The following DNAAF9 variants were observed in gnomAD, a reference collection of about 807,000 sequenced individuals.
The protein encoded by DNAAF9 is dynein axonemal assembly factor 9, also known as shulin.
Under a neutral mutation model 167.0 loss-of-function variants are expected in DNAAF9, and 90 were observed. The observed-to-expected ratio is 0.54, with a 90% CI of 0.45 to 0.64. The LOEUF is 0.64. Ranked by LOEUF, DNAAF9 falls within the 30% of genes least tolerant of loss-of-function variation. The probability of loss-of-function intolerance (pLI) is 0.00; values close to 1 mark genes in which losing one functional copy is unlikely to be tolerated. For missense variants in DNAAF9, 1,315 were observed against 1,442.2 expected, an observed-to-expected ratio of 0.91 and a Z score of 1.43; for synonymous variants, 491 against 508.8, an observed-to-expected ratio of 0.96 and a Z score of 0.47.
chr20:3,320,654 T>C (rs1264491462), intron 16 of DNAAF9, among the ~76,000 whole-genome samples: 2 of 152,164 alleles, frequency 1.3e-5, no homozygotes, highest in African/African-American at 4.8e-5. Context: ...CCACACAAAA[T>C]GTTGACAGAT....
chr20:3,398,205 C>T (rs1007722324), intron 1 of DNAAF9, among the ~76,000 whole-genome samples: 5 of 152,100 alleles, frequency 3.3e-5, no homozygotes, highest in Non-Finnish European at 5.9e-5. Context: ...AAGATATATT[C>T]GTAGGAGAAT....
chr20:3,315,343 G>A lies in DNAAF9; in HGVS notation c.1591-223C>T, dbSNP rs2069484271. On this transcript the variant is annotated intron_variant, in intron 19 of 36. Transcript: ENST00000252032. The surrounding 1 kb of genome is among the most constrained non-coding windows in gnomAD (Gnocchi z 4.1). ...GAAAAAGAACATTAAGATTCTCTCTGAGTCCAGGCATCAAAGCCCGCAATG... is the reference window on the plus strand; with the variant it reads ...GAAAAAGAACATTAAGATTCTCTCTAAGTCCAGGCATCAAAGCCCGCAATG... Among the ~76,000 whole-genome samples, 2 of 152,196 alleles carry A rather than the reference G, an allele frequency of 1.3e-5. No homozygotes were observed. The highest frequency in any genetic ancestry group is 2.9e-5 in the Non-Finnish European group (2 of 68,042).
At position 3,332,358 on chromosome 20, in the gene DNAAF9, C is replaced by T. The variant is rs1213855237; in HGVS notation, c.985G>A (p.Ala329Thr). ...GGTCCCTTTGGTGAGACACACTGGG[C>T]TACCTGGATGTCAGAAAAAAATAAA... is the stretch of plus-strand genomic sequence containing the variant. The part of the protein sequence containing the change: ...PGGSFAKHMV[A>T]QCVSPKGPLA... The change falls in exon 11 of 37, where the codon GCC (alanine) becomes ACC (threonine). Residue 329 changes from alanine (A) to threonine (T), a missense_variant. Transcript: ENST00000252032. 6.3e-7 allele frequency: 1 copy of T among 1,583,870 alleles called. No homozygotes were observed. Among genetic ancestry groups the T allele is most frequent in the African/African-American group, 1.3e-5 (1 of 74,228 alleles).
At chr20:3,296,338 T>C (rs2069077878) in intron 23 of DNAAF9, 33 of 343,182 alleles carry the variant, frequency 9.6e-5, no homozygotes, top group South Asian at 7.1e-4. Flanking sequence ...CTGTGAGACG[T>C]GGCCCCTCAC....
At chr20:3,357,055 T>C (rs1212550385) in intron 7 of DNAAF9, among the ~76,000 whole-genome samples, 1 of 152,248 alleles carries the variant, frequency 6.6e-6, no homozygotes, top group African/African-American at 2.4e-5. Context: ...TTCCATGCAG[T>C]GAATTCTTTC....
chr20:3,370,169 C>T (rs2083489002), intron 6 of DNAAF9, among the ~76,000 whole-genome samples: 1 of 152,196 alleles, frequency 6.6e-6, no homozygotes, highest in African/African-American at 2.4e-5. Context: ...AAAATGTGAA[C>T]AGGTTTACTC....
At position 3,253,775 on chromosome 20, in the gene DNAAF9, A is replaced by T; in HGVS notation, c.3372T>A (p.Asn1124Lys). Residue 1124 changes from asparagine to lysine, a missense_variant, in exon 36 of 37, where the codon AAT (asparagine) becomes AAA (lysine). Around this residue, in one of 2 missense-constraint regions of DNAAF9, gnomAD observed 334 missense variants for 429.7 expected, o/e 0.78. Transcript: ENST00000252032. ...CAAAGAAGTTAACAAATTGGGTGCCATTATAAAAGTAGCCTGCAGGTAGGG... is the reference window on the plus strand; with the variant it reads ...CAAAGAAGTTAACAAATTGGGTGCCTTTATAAAAGTAGCCTGCAGGTAGGG... Reference protein sequence around the residue: ...LEPLPAGYFYNGTQFVNFFGD... With the variant: ...LEPLPAGYFYKGTQFVNFFGD... 1.2e-6 allele frequency: 2 copies of T among 1,613,256 alleles called. No homozygotes were observed. Among genetic ancestry groups the T allele is most frequent in the Non-Finnish European group, 1.7e-6 (2 of 1,179,180 alleles).
chr20:3,252,884 G>A (rs2068217777), intron 36 of DNAAF9, among the ~76,000 whole-genome samples, 200 bp from the exon 37 acceptor site: 2 of 152,242 alleles, frequency 1.3e-5, no homozygotes, highest in Admixed American at 6.5e-5. Context: ...TCACAGGGAT[G>A]TTAATGAGGT....
intron 27 of DNAAF9, among the ~76,000 whole-genome samples, chr20:3,284,348 T>C (rs1387638399): frequency 6.6e-6 from 1 of 151,930 alleles, no homozygotes; most frequent in Non-Finnish European, 1.5e-5. Context: ...ACCCAGCTAA[T>C]TTTTTGTATT....
At chr20:3,388,522 G>A (rs1156474843) in intron 1 of DNAAF9, among the ~76,000 whole-genome samples, 6 of 152,144 alleles carry the variant, frequency 3.9e-5, no homozygotes. Flanking sequence ...CATCTTCATA[G>A]AAGCACTATT....
intron 6 of DNAAF9, among the ~76,000 whole-genome samples, chr20:3,360,995 G>T (rs779873936): frequency 6.6e-6 from 1 of 152,150 alleles, no homozygotes; most frequent in African/African-American, 2.4e-5. Flanking sequence ...TGACAGCAGA[G>T]GGTGGCAGGG....
At chr20:3,361,214 G>C (rs1202561332) in intron 6 of DNAAF9, among the ~76,000 whole-genome samples, 2 of 152,190 alleles carry the variant, frequency 1.3e-5, no homozygotes, top group Non-Finnish European at 2.9e-5. Flanking sequence ...AAAGGTGGGG[G>C]AGAGAAGATA....
At chr20:3,401,819 T>C (rs564087125) in intron 1 of DNAAF9, among the ~76,000 whole-genome samples, 1 of 151,684 alleles carries the variant, frequency 6.6e-6, no homozygotes, top group East Asian at 2.0e-4. Context: ...ATCCTACCTA[T>C]GTCACCCAAG....
chr20:3,307,821 AAACTGGCTGTACAAATAAAAATCTTCC>A (rs1332719118), intron 20 of DNAAF9, among the ~76,000 whole-genome samples: 1 of 152,156 alleles, frequency 6.6e-6, no homozygotes, highest in African/African-American at 2.4e-5. Flanking sequence ...CTCTTTCAGA[AAACTGGCTGTACAAATAAAAATCTTCC>A]AACAGCCCAG....
chr20:3,400,340 C>CAAGTAAACAAAAGTTTACT (rs547911703), intron 1 of DNAAF9, among the ~76,000 whole-genome samples: 4 of 152,062 alleles, frequency 2.6e-5, no homozygotes, highest in South Asian at 2.1e-4. Flanking sequence ...TAGTAAACTC[C>CAAGTAAACAAAAGTTTACT]AAGTAAACAA....
chr20:3,393,757 G>A (rs1304483916), intron 1 of DNAAF9, among the ~76,000 whole-genome samples: 1 of 152,100 alleles, frequency 6.6e-6, no homozygotes, highest in African/African-American at 2.4e-5. Flanking sequence ...TTTAAATTTT[G>A]ATAGGTGTTG....
At chr20:3,374,189 A>G in intron 5 of DNAAF9, 35 bp from the exon 6 acceptor site, 10 of 1,402,040 alleles carry the variant, frequency 7.1e-6, no homozygotes, top group Non-Finnish European at 1.0e-5. Flanking sequence ...CATATCAGAT[A>G]CCATCCTGAA....
At chr20:3,264,376 TAAA>T in intron 31 of DNAAF9, 59 bp downstream of exon 31, 1 of 803,576 alleles carries the variant, frequency 1.2e-6, no homozygotes. Context: ...TTTTTTTCTG[TAAA>T]TAAATAAATC....
chr20:3,263,737 G>A (rs1024553384), intron 31 of DNAAF9, among the ~76,000 whole-genome samples: 8 of 152,228 alleles, frequency 5.3e-5, no homozygotes, highest in African/African-American at 9.6e-5. Flanking sequence ...TGTTGGACAC[G>A]GTAGCTGCCA....
Sources: allele counts gnomAD v4.1 joint callset (sites outside exome capture counted in the v4.1 genomes callset), GRCh38; gene constraint gnomAD v4.1.1; regional missense constraint gnomAD v4.1.1; non-coding constraint Gnocchi (gnomAD v3.1); transcripts MANE v1.5; gene names NCBI Gene and HGNC (gene_info 2026-07-23, HGNC 2026-07-21).